HS1BP3: variants seen among roughly 807,000 people sequenced by gnomAD.
HS1BP3 encodes the protein HCLS1 binding protein 3.
A neutral mutation model predicts 33.5 loss-of-function variants in HS1BP3; 32 were observed. That is an observed-to-expected ratio of 0.95 (90% CI 0.72 to 1.28). HS1BP3 has a LOEUF of 1.28. Among genes scored for constraint, HS1BP3 ranks in the 50% most tolerant of loss-of-function variants. The pLI is 0.00. For missense variants in HS1BP3, 486 were observed against 502.3 expected (o/e 0.97, Z 0.31); for synonymous variants, 187 against 209.2 (o/e 0.89, Z 0.92).
chr2:20,643,203 G>A (rs1446736408), intron 2 of HS1BP3, among the ~76,000 whole-genome samples: 1 of 152,172 alleles, frequency 6.6e-6, no homozygotes, highest in Non-Finnish European at 1.5e-5. Flanking sequence ...CACACTCCAC[G>A]AGGAGTGGGC....
At chr2:20,590,246 C>A (rs2882036), downstream of HS1BP3, among the ~76,000 whole-genome samples, 1 of 152,086 alleles carries the variant, frequency 6.6e-6, no homozygotes, top group African/African-American at 2.4e-5. Context: ...AGACTTGAGC[C>A]GAATTCTCAT....
At chr2:20,580,586 G>T (rs1334814483) in intron 5 of HS1BP3, among the ~76,000 whole-genome samples, 1 of 152,048 alleles carries the variant, frequency 6.6e-6, no homozygotes, top group Non-Finnish European at 1.5e-5. Context: ...TTGTTAAAAG[G>T]AATCAAAGGT....
chr2:20,572,345 A>G (rs968867044), intron 5 of HS1BP3, among the ~76,000 whole-genome samples: 34 of 152,292 alleles, frequency 2.2e-4, no homozygotes, highest in African/African-American at 8.2e-4. Context: ...GACACAGGCT[A>G]TGGGGCTACA....
intron 2 of HS1BP3, among the ~76,000 whole-genome samples, chr2:20,603,938 A>AT (rs142498694): frequency 0.066 from 10,006 of 152,196 alleles, 395 homozygotes; most frequent in African/African-American, 0.099. Flanking sequence ...GCTATGCCTG[A>AT]TGCCCAGTGG....
rs756188174 is a variant in HS1BP3 at position 20,641,154 on chromosome 2, C to T, written c.225G>A (p.Glu75=). Residue 75 remains glutamate, a synonymous_variant, in exon 3 of 7, where the codon GAG becomes GAA. Coordinates refer to ENST00000304031, the MANE Select transcript of HS1BP3 (RefSeq NM_022460.4). ...GACTGCTCAGTTTCTGGTAAAACTC[C>T]TCAATCTCGCTGTACTTTTTGGAGA... ...FLVSKKYSEI[E]EFYQKLSSRY... 8.7e-6 allele frequency: 14 copies of T among 1,608,512 alleles called. No individual in the cohort carries two copies. Among genetic ancestry groups the T allele is most frequent in the Admixed American group, 1.7e-5 (1 of 60,026 alleles).
intron 6 of HS1BP3, chr2:20,622,631 G>C (rs935733328): frequency 3.6e-6 from 1 of 280,802 alleles, no homozygotes; most frequent in African/African-American, 2.2e-5. Context: ...GGGAAGTAAC[G>C]GATTTAGAAT....
intron 3 of HS1BP3, 62 bp downstream of exon 3, chr2:20,640,911 G>A (rs773776813): frequency 4.7e-5 from 72 of 1,522,104 alleles, no homozygotes; most frequent in Admixed American, 1.7e-4. Context: ...ACTGGGGCAC[G>A]GCAGCGGGGC....
At chr2:20,559,829 C>A (rs1692947083), downstream of HS1BP3, among the ~76,000 whole-genome samples, 1 of 152,324 alleles carries the variant, frequency 6.6e-6, no homozygotes, top group South Asian at 2.1e-4. Flanking sequence ...GCCTTTCTCA[C>A]CCTGCCTAGG....
intron 2 of HS1BP3, among the ~76,000 whole-genome samples, chr2:20,608,002 TG>T (rs1694235311): frequency 6.6e-6 from 1 of 152,260 alleles, no homozygotes; most frequent in Admixed American, 6.5e-5. Context: ...TATTTTATTG[TG>T]TTTGGTGCTA....
chr2:20,641,272 C>T, intron 2 of HS1BP3, 92 bp from the exon 3 acceptor site: 1 of 1,194,432 alleles, frequency 8.4e-7, no homozygotes, highest in Non-Finnish European at 1.2e-6. Flanking sequence ...GGCCCAGCAG[C>T]CAAAGGAAGT....
chr2:20,609,786 C>T (rs1694277725), intron 2 of HS1BP3, among the ~76,000 whole-genome samples: 1 of 152,174 alleles, frequency 6.6e-6, no homozygotes, highest in African/African-American at 2.4e-5. Flanking sequence ...TCTGACCCCT[C>T]ATTGCTCCAG....
At chr2:20,571,255 C>T (rs563529421) in intron 5 of HS1BP3, among the ~76,000 whole-genome samples, 3 of 152,304 alleles carry the variant, frequency 2.0e-5, no homozygotes, top group East Asian at 1.9e-4. Flanking sequence ...TTTCCCCCAG[C>T]CTTGCTCCCT....
rs370005363 is a variant in HS1BP3 at position 20,604,944 on chromosome 2, G to A, written c.179-6679C>T. Reference sequence around the variant, plus strand: ...ATTCTCTGCAGCCCAGGCTCCTTGAGGTTGGGAGCGTTCATTTAAAGTCCC... The same window carrying A: ...ATTCTCTGCAGCCCAGGCTCCTTGAAGTTGGGAGCGTTCATTTAAAGTCCC... On this transcript the variant is annotated intron_variant, in intron 2 of 3. Coordinates refer to the HS1BP3 transcript ENST00000415264. Among the ~76,000 whole-genome samples the A allele has an allele frequency of 2.1e-4, 32 of 152,292 alleles. 1 individual carries two copies. In the South Asian group the frequency reaches 6.6e-3, roughly 32 times the overall value.
intron 3 of HS1BP3, among the ~76,000 whole-genome samples, chr2:20,596,655 T>C (rs2149281150): frequency 6.6e-6 from 1 of 152,330 alleles, no homozygotes; most frequent in East Asian, 1.9e-4. Context: ...TTGAAAGGAC[T>C]AAGAGAATTA....
intron 3 of HS1BP3, chr2:20,639,896 A>G (rs1197996858): frequency 6.6e-6 from 1 of 152,208 alleles, no homozygotes. Context: ...AAGGGTTGTG[A>G]CCTTGGAACA....
At chr2:20,558,255 G>A (rs192444079), downstream of HS1BP3, among the ~76,000 whole-genome samples, 167 of 152,290 alleles carry the variant, frequency 1.1e-3, 1 homozygote, top group Non-Finnish European at 1.9e-3. Flanking sequence ...CAACGTTGAC[G>A]GTGGGTGGGG....
rs111418506 is a variant in HS1BP3 at position 20,649,812 on chromosome 2, G to A, written c.32+1220C>T. On this transcript the variant is annotated intron_variant, in intron 1 of 6. Transcript: ENST00000304031. ...GCCTGACTCATGTGGCCTTACCACC[G>A]CCAGCGCCCCCACATCTGTTAACAA... 2.7e-3 allele frequency among the ~76,000 whole-genome samples: 408 copies of A among 152,272 alleles called. 1 individual carries two copies. The highest frequency in any genetic ancestry group is 9.4e-3 in the African/African-American group (390 of 41,542).
At chr2:20,594,961 C>T (rs1337223901) in intron 3 of HS1BP3, among the ~76,000 whole-genome samples, 1 of 152,160 alleles carries the variant, frequency 6.6e-6, no homozygotes, top group Non-Finnish European at 1.5e-5. Flanking sequence ...CCCATACCCT[C>T]ACCTTGCTGG....
intron 2 of HS1BP3, among the ~76,000 whole-genome samples, chr2:20,607,447 C>T (rs989144022): frequency 2.0e-5 from 3 of 152,230 alleles, no homozygotes; most frequent in Admixed American, 2.0e-4. Flanking sequence ...TGAGCCACCA[C>T]ACCTGGCCTC....
Sources: allele counts gnomAD v4.1 joint callset (sites outside exome capture counted in the v4.1 genomes callset), GRCh38; gene constraint gnomAD v4.1.1; transcripts MANE v1.5; gene names NCBI Gene and HGNC (gene_info 2026-07-23, HGNC 2026-07-21).